Variants in CTNND2 observed in about 807,000 individuals in gnomAD.
CTNND2 encodes catenin delta-2.
CTNND2 carries 22 observed loss-of-function variants against 144.4 expected under a neutral mutation model. That is an observed-to-expected ratio of 0.15 (90% CI 0.11 to 0.22). The LOEUF (loss-of-function observed/expected upper bound fraction) is 0.22, where lower values mean the gene tolerates loss of function less well. CTNND2 is among the 10% of genes least tolerant of loss of function. The pLI, the probability that CTNND2 is intolerant of heterozygous loss-of-function variation, is 1.00. For missense variants in CTNND2, 1,353 were observed against 1,618.8 expected, an observed-to-expected ratio of 0.84 and a Z score of 2.82; for synonymous variants, 751 against 695.6, an observed-to-expected ratio of 1.08 and a Z score of -1.25.
chr5:11,401,229 G>A (rs1013354676), intron 5 of CTNND2, among the ~76,000 whole-genome samples: 9 of 152,198 alleles, frequency 5.9e-5, no homozygotes, highest in African/African-American at 2.2e-4. Context: ...AGCTTCTTCT[G>A]ATCAGATTAA....
In CTNND2 at chr5:11,548,188, T is replaced by C. The variant is rs186245768; in HGVS notation, c.287+16756A>G. 9.2e-5 allele frequency among the ~76,000 whole-genome samples: 14 copies of C among 152,280 alleles called. No homozygotes were observed. The East Asian group carries it at 2.1e-3, about 23-fold the overall frequency. On this transcript the variant is annotated intron_variant, in intron 3 of 21. Transcript: ENST00000304623. ...ATTCAAAATCAGGCAAACCACGTAA[T>C]ACTTTACTTATTAGGATGCATATGT...
At chr5:11,796,630 T>A (rs1419355801) in intron 1 of CTNND2, among the ~76,000 whole-genome samples, 2 of 152,208 alleles carry the variant, frequency 1.3e-5, no homozygotes, top group African/African-American at 4.8e-5. Flanking sequence ...CATTTGCCCA[T>A]TTTTAAGGTA....
At chr5:11,028,998 T>C (rs1743166156) in intron 16 of CTNND2, among the ~76,000 whole-genome samples, 2 of 152,220 alleles carry the variant, frequency 1.3e-5, no homozygotes, top group Admixed American at 1.3e-4. Context: ...CGTGAGCCAC[T>C]GCACCCAGAC....
rs575760958 is a variant in CTNND2, at chr5:10,993,230, G to C, written c.3085-553C>G. Among the ~76,000 whole-genome samples, 3 of 152,226 alleles carry C rather than the reference G, an allele frequency of 2.0e-5. No homozygotes were observed. In the East Asian group the frequency reaches 5.8e-4, roughly 29 times the overall value. ...TCCAGGAATGATATTTTTCAATATA[G>C]AGCATATTCAAAATGCATCCTACCA... On this transcript the variant is annotated intron_variant, in intron 18 of 21. Transcript: ENST00000304623.
intron 3 of CTNND2, among the ~76,000 whole-genome samples, chr5:11,450,404 T>G (rs1765196775): frequency 6.6e-6 from 1 of 152,172 alleles, no homozygotes; most frequent in Non-Finnish European, 1.5e-5. Flanking sequence ...AACTTAAGTC[T>G]CTTAAAAATG....
intron 18 of CTNND2, among the ~76,000 whole-genome samples, chr5:11,013,914 A>G (rs1425898229): frequency 6.6e-6 from 1 of 152,004 alleles, no homozygotes; most frequent in Admixed American, 6.6e-5. Flanking sequence ...CTCTCACCCT[A>G]TGGGCTGGAA....
At chr5:11,568,535 A>C (rs1373235992) in intron 2 of CTNND2, among the ~76,000 whole-genome samples, 1 of 152,164 alleles carries the variant, frequency 6.6e-6, no homozygotes, top group Non-Finnish European at 1.5e-5. Context: ...AATGGAAACA[A>C]GAAGAGCTAG....
At chr5:11,558,341 C>CACGT (rs1554083650) in intron 3 of CTNND2, among the ~76,000 whole-genome samples, 8,744 of 132,114 alleles carry the variant, frequency 0.066, 270 homozygotes, top group African/African-American at 0.1. Flanking sequence ...GTGAGAAACA[C>CACGT]GTGTGTGTGT....
chr5:11,742,661 C>T (rs1209816516), intron 1 of CTNND2, among the ~76,000 whole-genome samples: 2 of 152,062 alleles, frequency 1.3e-5, no homozygotes, highest in Non-Finnish European at 2.9e-5. Context: ...TAGAACATCC[C>T]AGGTATTGTT....
intron 2 of CTNND2, among the ~76,000 whole-genome samples, chr5:11,575,048 G>C (rs1463671315): frequency 1.3e-5 from 2 of 152,042 alleles, no homozygotes; most frequent in Non-Finnish European, 2.9e-5. Context: ...ATTGCCATCT[G>C]TTCTATATAT....
At chr5:11,545,402 T>C (rs1358519420) in intron 3 of CTNND2, among the ~76,000 whole-genome samples, 1 of 151,890 alleles carries the variant, frequency 6.6e-6, no homozygotes, top group Non-Finnish European at 1.5e-5. Flanking sequence ...CTGGGCATGG[T>C]GGCTCACGCC....
rs550010597 is a variant in CTNND2 at position 11,127,796 on chromosome 5, G to A, written c.2160-10229C>T. ...ACTTAACAGATTACTCATCCAGCTC[G>A]GATTTGGATGATTCAGATTTTGGAC... On this transcript the variant is annotated intron_variant, in intron 12 of 21. Transcript: ENST00000304623. Among the ~76,000 whole-genome samples the A allele has an allele frequency of 3.9e-5, 6 of 151,968 alleles. No individual in the cohort carries two copies. The South Asian group carries it at 8.3e-4, about 21-fold the overall frequency.
intron 12 of CTNND2, among the ~76,000 whole-genome samples, chr5:11,145,557 C>T (rs930456398): frequency 3.3e-5 from 5 of 152,188 alleles, no homozygotes; most frequent in Non-Finnish European, 5.9e-5. Context: ...CCTAGAGCAA[C>T]ACCTAGGACA....
At chr5:11,632,564 T>C (rs1211721528) in intron 2 of CTNND2, among the ~76,000 whole-genome samples, 4 of 152,136 alleles carry the variant, frequency 2.6e-5, no homozygotes, top group Non-Finnish European at 4.4e-5. Context: ...AAAAAAGTTA[T>C]GAGTCACCCA....
At chr5:11,695,186 C>T (rs1785088136) in intron 2 of CTNND2, among the ~76,000 whole-genome samples, 1 of 152,190 alleles carries the variant, frequency 6.6e-6, no homozygotes, top group South Asian at 2.1e-4. Context: ...GAAGAGGGAT[C>T]ACACAAAGGA....
intron 12 of CTNND2, among the ~76,000 whole-genome samples, chr5:11,155,114 G>C (rs1050791778): frequency 6.6e-6 from 1 of 152,212 alleles, no homozygotes; most frequent in African/African-American, 2.4e-5. Flanking sequence ...GCCAACATGA[G>C]CTTGTCCAGA....
At chr5:11,121,799 G>C (rs923352695) in intron 12 of CTNND2, among the ~76,000 whole-genome samples, 1 of 152,126 alleles carries the variant, frequency 6.6e-6, no homozygotes, top group Non-Finnish European at 1.5e-5. Flanking sequence ...TGCTTCAGAT[G>C]GCCAGGATAC....
intron 2 of CTNND2, among the ~76,000 whole-genome samples, chr5:11,570,328 C>G (rs927567153): frequency 6.6e-6 from 1 of 152,212 alleles, no homozygotes; most frequent in African/African-American, 2.4e-5. Context: ...CCGTGGATTC[C>G]TGTCTCCTCT....
intron 2 of CTNND2, among the ~76,000 whole-genome samples, chr5:11,674,716 T>TTTGGTTGG (rs56819149): frequency 4.6e-4 from 69 of 151,002 alleles, no homozygotes; most frequent in East Asian, 9.7e-4. Flanking sequence ...TGTTTGTTTG[T>TTTGGTTGG]TTGGTTGGTT....
Sources: gnomAD v4.1 joint callset for allele counts (sites outside exome capture counted in the v4.1 genomes callset) on GRCh38, gnomAD v4.1.1 for gene constraint, MANE v1.5 for transcripts, NCBI Gene and HGNC (gene_info 2026-07-23, HGNC 2026-07-21) for gene names.